Variants in ANKRD35 observed in about 807,000 individuals in gnomAD.
The protein encoded by ANKRD35 is ankyrin repeat domain 35, also known as ankyrin repeat domain-containing protein 35.
A neutral mutation model predicts 109.9 loss-of-function variants in ANKRD35; 102 were observed. The observed-to-expected ratio is 0.93, with a 90% CI of 0.79 to 1.09. The LOEUF (loss-of-function observed/expected upper bound fraction) is 1.09, where lower values mean the gene tolerates loss of function less well. ANKRD35 is among the 50% of genes least tolerant of loss of function. The pLI is 0.00. For missense variants in ANKRD35, 1,240 were observed against 1,230.1 expected (o/e 1.01, Z -0.12); for synonymous variants, 515 against 512.4 (o/e 1.01, Z -0.07).
chr1:145,874,638 A>G (rs587683102), intron 8 of ANKRD35, among the ~76,000 whole-genome samples, 184 bp downstream of exon 8: 1 of 152,302 alleles, frequency 6.6e-6, no homozygotes, highest in East Asian at 1.9e-4. Context: ...TGCATTAAAG[A>G]ATTTTGTGAT....
chr1:145,869,140 G>A (rs1248121914), intron 10 of ANKRD35, among the ~76,000 whole-genome samples: 5 of 150,990 alleles, frequency 3.3e-5, no homozygotes, highest in African/African-American at 1.2e-4. Context: ...CTTTTCTTCC[G>A]GGAGGAACAA....
chr1:145,876,883 G>T lies in ANKRD35; in HGVS notation c.325-10C>A, dbSNP rs1553740235. The T allele has an allele frequency of 1.2e-6, 2 of 1,613,874 alleles. No homozygotes were observed. Among genetic ancestry groups the T allele is most frequent in the Admixed American group, 3.3e-5 (2 of 60,014 alleles). On this transcript the variant is annotated splice_polypyrimidine_tract_variant and intron_variant, in intron 4 of 13. Coordinates refer to ENST00000355594, the MANE Select transcript of ANKRD35 (RefSeq NM_144698.5). ...CTTCATTAGCACCATGCTGCAAATGGCCACAAAGGGAAGCAGCATGGAGCT... is the reference window on the plus strand; with the variant it reads ...CTTCATTAGCACCATGCTGCAAATGTCCACAAAGGGAAGCAGCATGGAGCT...
Position 145,867,312 on chromosome 1 carries a change from G to T in ANKRD35, c.*18C>A. 1 of 1,611,256 alleles carries T rather than the reference G, an allele frequency of 6.2e-7. No homozygotes were observed. The highest frequency in any genetic ancestry group is 8.5e-7 in the Non-Finnish European group (1 of 1,177,658). ...AACAGAGAATCTCGTATCCCTGAGG[G>T]CACACAGTGAGGCTGCCTCACTCCT... On this transcript the variant is annotated 3_prime_UTR_variant, in exon 13 of 14. Coordinates refer to ENST00000355594, the MANE Select transcript of ANKRD35 (RefSeq NM_144698.5).
chr1:145,877,749 G>A lies in ANKRD35; in HGVS notation c.324+219C>T, dbSNP rs587747448. ...CTAATGACAAAATCGATAGTGCCTGGCAACTCTGCTTTATAACCTGCCCTC... is the reference window on the plus strand; with the variant it reads ...CTAATGACAAAATCGATAGTGCCTGACAACTCTGCTTTATAACCTGCCCTC... On this transcript the variant is annotated intron_variant, in intron 4 of 13. Coordinates refer to ENST00000355594, the MANE Select transcript of ANKRD35 (RefSeq NM_144698.5). 3.2e-3 allele frequency among the ~76,000 whole-genome samples: 480 copies of A among 152,244 alleles called. 7 individuals are homozygous for A. Among genetic ancestry groups the A allele is most frequent in the Middle Eastern group, 0.017 (5 of 294 alleles).
At position 145,880,203 on chromosome 1, in the gene ANKRD35, T is replaced by C. The variant is rs1232783077; in HGVS notation, c.40-815A>G. Among the ~76,000 whole-genome samples the C allele has an allele frequency of 2.6e-5, 4 of 152,048 alleles. No homozygotes were observed. In the East Asian group the frequency reaches 7.7e-4, roughly 29 times the overall value. ...ATTCCAGCTTGGGTTTTGTGGGTGG[T>C]AGGGTAATTATAATAATTGAAGTGT... is the stretch of plus-strand genomic sequence containing the variant. On this transcript the variant is annotated intron_variant, in intron 1 of 13. Coordinates refer to ENST00000355594, the MANE Select transcript of ANKRD35 (RefSeq NM_144698.5).
chr1:145,870,618 TTTAA>T (rs1653775159), intron 10 of ANKRD35, among the ~76,000 whole-genome samples: 1 of 152,216 alleles, frequency 6.6e-6, no homozygotes, highest in Non-Finnish European at 1.5e-5. Flanking sequence ...AAATACTTTC[TTTAA>T]TTAACCTCAA....
intron 13 of ANKRD35, among the ~76,000 whole-genome samples, 175 bp from the exon 14 acceptor site, chr1:145,866,940 AG>A (rs1653627782): frequency 6.6e-6 from 1 of 152,142 alleles, no homozygotes; most frequent in South Asian, 2.1e-4. Context: ...ATGGTATCAA[AG>A]TGAAGAGATT....
chr1:145,885,671 C>T (rs781866352), intron 1 of ANKRD35, 49 bp downstream of exon 1: 1 of 1,597,852 alleles, frequency 6.3e-7, no homozygotes, highest in Non-Finnish European at 8.6e-7. Flanking sequence ...CTTCTGTCAC[C>T]ACAGAGCTGG....
chr1:145,884,423 A>G (rs1654403478), intron 1 of ANKRD35, among the ~76,000 whole-genome samples: 1 of 152,228 alleles, frequency 6.6e-6, no homozygotes, highest in Admixed American at 6.5e-5. Flanking sequence ...AGAATGAGCT[A>G]ATTGAACATT....
At chr1:145,871,840 G>A in intron 10 of ANKRD35, 142 bp downstream of exon 10, 1 of 1,040,834 alleles carries the variant, frequency 9.6e-7, no homozygotes, top group Non-Finnish European at 1.4e-6. Context: ...ATAGTAGTGT[G>A]GTCCCTGCAA....
rs1553739746 is a variant in ANKRD35, at chr1:145,874,844, G to A, written c.723C>T (p.Ala241=). 3 of 1,600,540 alleles carry A rather than the reference G, an allele frequency of 1.9e-6. No homozygotes were observed. The highest frequency in any genetic ancestry group is 2.3e-5 in the East Asian group (1 of 44,168). The stretch of plus-strand genomic sequence containing the variant: ...TACCGCCCCGCCGCCGCCGGCTCAG[G>A]GCCTGCTGTAGGTGCCTCCACAGTG... ...DKALWRHLQQ[A]LSRRRRGGQR... is the part of the protein sequence containing the mutation. Residue 241 remains alanine (A), a synonymous_variant, in exon 8 of 14, where the codon GCC becomes GCT. Transcript: ENST00000355594.
chr1:145,874,346 G>A (rs1653979769), intron 8 of ANKRD35, among the ~76,000 whole-genome samples, 154 bp from the exon 9 acceptor site: 1 of 152,206 alleles, frequency 6.6e-6, no homozygotes, highest in Admixed American at 6.5e-5. Context: ...ATCTTGTTTA[G>A]TGGATCCCTA....
chr1:145,876,659 G>A lies in ANKRD35; in HGVS notation c.383-20C>T. The stretch of plus-strand genomic sequence containing the variant: ...AGGAGGCTGGGGAGAAGATGTTTGG[G>A]TTAAGGGGAAGCATGAAGAAAGCCT... On this transcript the variant is annotated intron_variant, in intron 5 of 13. Transcript: ENST00000355594. The A allele has an allele frequency of 6.2e-7, 1 of 1,613,958 alleles. No homozygotes were observed. The highest frequency in any genetic ancestry group is 8.5e-7 in the Non-Finnish European group (1 of 1,179,950).
intron 10 of ANKRD35, among the ~76,000 whole-genome samples, chr1:145,869,889 G>C (rs1653746303): frequency 6.6e-6 from 1 of 152,136 alleles, no homozygotes; most frequent in South Asian, 2.1e-4. Flanking sequence ...TTGACTCCTT[G>C]GCCGATGCTC....
intron 10 of ANKRD35, 44 bp downstream of exon 10, chr1:145,871,938 A>T: frequency 6.3e-7 from 1 of 1,598,170 alleles, no homozygotes; most frequent in Non-Finnish European, 8.5e-7. Flanking sequence ...CCAAATACAC[A>T]GAAACTTTCC....
intron 8 of ANKRD35, 127 bp from the exon 9 acceptor site, chr1:145,874,319 C>T: frequency 9.4e-7 from 1 of 1,059,166 alleles, no homozygotes; most frequent in Non-Finnish European, 1.4e-6. Flanking sequence ...TGCACATCTT[C>T]CTGGTGCCAG....
At chr1:145,867,507 C>T (rs1653651994) in intron 12 of ANKRD35, 115 bp from the exon 13 acceptor site, 1 of 814,916 alleles carries the variant, frequency 1.2e-6, no homozygotes, top group African/African-American at 1.7e-5. Flanking sequence ...TATACCTTCA[C>T]TTATAGTATT....
chr1:145,872,995 G>A lies in ANKRD35; in HGVS notation c.1774C>T (p.Gln592Ter). ...CCAAGGGCCCCTAGAGGCTCTCCTT[G>A]AGCCCCAGGAACCCTTTTCTCCTTC... ...EEKEKRVPGA[Q>*]GEPLGALGGE... The change falls in exon 10 of 14, where the codon CAA becomes TAA. Residue 592 changes from glutamine to a stop codon, truncating the protein, a stop_gained. Transcript: ENST00000355594. LOFTEE classifies it high-confidence loss of function. 1 of 1,609,388 alleles carries A rather than the reference G, an allele frequency of 6.2e-7. No homozygotes were observed.
At chr1:145,881,405 C>T (rs929553797) in intron 1 of ANKRD35, among the ~76,000 whole-genome samples, 29 of 152,328 alleles carry the variant, frequency 1.9e-4, no homozygotes, top group African/African-American at 6.7e-4. Context: ...GATAAACAGT[C>T]TCAAGTTGCC....
Sources: allele counts gnomAD v4.1 joint callset (sites outside exome capture counted in the v4.1 genomes callset), GRCh38; gene constraint gnomAD v4.1.1; transcripts MANE v1.5; gene names NCBI Gene and HGNC (gene_info 2026-07-23, HGNC 2026-07-21).